The following SLC24A2 variants were observed in gnomAD, a reference collection of about 807,000 sequenced individuals.
The protein encoded by SLC24A2 is sodium/potassium/calcium exchanger 2.
In SLC24A2, 36 loss-of-function variants were observed where a neutral mutation model predicts 62.0. The ratio of observed to expected loss-of-function variants is 0.58; its 90% CI spans 0.44 to 0.77. SLC24A2 has a LOEUF of 0.77. SLC24A2 is among the 30% of genes least tolerant of loss of function. SLC24A2 has a pLI of 0.00. For missense variants in SLC24A2, 846 were observed against 817.9 expected (o/e 1.03, Z -0.42); for synonymous variants, 358 against 294.0 (o/e 1.22, Z -2.23).
the SLC24A2 span, among the ~76,000 whole-genome samples, chr9:20,263,867 C>A: frequency 1.8e-5 from 2 of 109,560 alleles, no homozygotes; most frequent in Non-Finnish European, 3.7e-5. Context: ...ACCCGCCCCC[C>A]CCCCCCCATT....
chr9:19,785,875 A>C, intron 2 of SLC24A2, 62 bp downstream of exon 2: 1 of 1,610,692 alleles, frequency 6.2e-7, no homozygotes, highest in Non-Finnish European at 8.5e-7. Flanking sequence ...CAGATCTCAA[A>C]AACATAATAA....
chr9:20,025,206 G>A, the SLC24A2 span, among the ~76,000 whole-genome samples: 1 of 152,072 alleles, frequency 6.6e-6, no homozygotes, highest in Non-Finnish European at 1.5e-5. Context: ...TCTCACTAAT[G>A]AATTGTGTCC....
the SLC24A2 span, among the ~76,000 whole-genome samples, chr9:19,816,009 AT>A: frequency 4.0e-5 from 2 of 50,168 alleles, no homozygotes; most frequent in Non-Finnish European, 8.1e-5. Context: ...TTATTTCCTG[AT>A]TGCTTTGATG....
the SLC24A2 span, among the ~76,000 whole-genome samples, chr9:20,218,124 C>T: frequency 6.6e-6 from 1 of 152,094 alleles, no homozygotes; most frequent in Non-Finnish European, 1.5e-5. Context: ...CTTGAGCTTC[C>T]AAAAGGTATA....
rs1406727236 is a variant in SLC24A2, at chr9:19,680,518, CA to C, written c.931-58220del. On this transcript the variant is annotated intron_variant, in intron 2 of 10. Transcript: ENST00000341998. ...AGCTGAAAATCCGAGTTTCTTTGTA[CA>C]ACTTTCGCTCATTAAAATGGCTGTT... Among the ~76,000 whole-genome samples, 10 of 124,474 alleles carry C rather than the reference CA, an allele frequency of 8.0e-5. No homozygotes were observed. In the East Asian group the frequency reaches 4.5e-3, roughly 56 times the overall value. The allele number at this position is 124,474 out of a possible 152,430, so 81.7% of individuals were successfully genotyped here.
intron 4 of SLC24A2, among the ~76,000 whole-genome samples, chr9:19,608,793 TACAC>T (rs111384476): frequency 3.4e-5 from 5 of 145,894 alleles, no homozygotes; most frequent in Non-Finnish European, 7.6e-5. Flanking sequence ...CACACACACA[TACAC>T]ACACACACAC....
chr9:19,633,487 T>C (rs1321392506), intron 2 of SLC24A2, among the ~76,000 whole-genome samples: 1 of 152,260 alleles, frequency 6.6e-6, no homozygotes, highest in Admixed American at 6.5e-5. Flanking sequence ...AATTTTATTC[T>C]TTCTAAAGGT....
the SLC24A2 span, among the ~76,000 whole-genome samples, chr9:20,295,036 G>GTGTATATATATATATATA: frequency 6.9e-6 from 1 of 145,622 alleles, no homozygotes; most frequent in African/African-American, 2.5e-5. Context: ...GTGTATATAT[G>GTGTATATATATATATATA]TATATATATA....
the SLC24A2 span, among the ~76,000 whole-genome samples, chr9:20,178,273 G>A: frequency 6.6e-6 from 1 of 152,114 alleles, no homozygotes; most frequent in Non-Finnish European, 1.5e-5. Flanking sequence ...GTCATGGTAA[G>A]GTCCTATAAC....
chr9:20,264,741 T>G, the SLC24A2 span, among the ~76,000 whole-genome samples: 1 of 152,238 alleles, frequency 6.6e-6, no homozygotes, highest in East Asian at 1.9e-4. Context: ...TTTCTCTTTT[T>G]CCTGACGCTA....
chr9:19,758,538 A>C (rs1822215041), intron 2 of SLC24A2, among the ~76,000 whole-genome samples: 1 of 152,008 alleles, frequency 6.6e-6, no homozygotes, highest in Non-Finnish European at 1.5e-5. Flanking sequence ...TTAAACAAAC[A>C]AAAAAAACCC....
At chr9:19,588,701 C>T (rs1339019853) in intron 5 of SLC24A2, among the ~76,000 whole-genome samples, 1 of 152,198 alleles carries the variant, frequency 6.6e-6, no homozygotes, top group African/African-American at 2.4e-5. Flanking sequence ...TGGCTCATGC[C>T]TGTAATCCTA....
chr9:20,088,629 TG>T, the SLC24A2 span, among the ~76,000 whole-genome samples: 3 of 152,174 alleles, frequency 2.0e-5, no homozygotes, highest in Non-Finnish European at 4.4e-5. Flanking sequence ...TTGTTGTCTT[TG>T]GGCTTTGGAG....
At chr9:19,834,423 C>T in the SLC24A2 span, among the ~76,000 whole-genome samples, 2 of 151,956 alleles carry the variant, frequency 1.3e-5, no homozygotes, top group Admixed American at 6.6e-5. Flanking sequence ...AACTACATGA[C>T]GAATGCACAA....
the SLC24A2 span, among the ~76,000 whole-genome samples, chr9:19,837,621 T>C: frequency 6.6e-6 from 1 of 151,688 alleles, no homozygotes; most frequent in Non-Finnish European, 1.5e-5. Context: ...AAAAAGGAAG[T>C]CAAATTGTCC....
chr9:19,853,541 A>T, the SLC24A2 span, among the ~76,000 whole-genome samples: 1 of 152,046 alleles, frequency 6.6e-6, no homozygotes, highest in South Asian at 2.1e-4. Context: ...TTATCGAAGG[A>T]CCTTTCTGCA....
At chr9:19,703,145 T>C (rs755140803) in intron 2 of SLC24A2, among the ~76,000 whole-genome samples, 10 of 152,168 alleles carry the variant, frequency 6.6e-5, no homozygotes, top group Non-Finnish European at 1.0e-4. Context: ...CAAATTTAGA[T>C]ACAAACTCTA....
At chr9:19,555,204 T>TG (rs2132768370) in intron 7 of SLC24A2, among the ~76,000 whole-genome samples, 1 of 152,332 alleles carries the variant, frequency 6.6e-6, no homozygotes, top group East Asian at 1.9e-4. Flanking sequence ...ATTGTTATTT[T>TG]GGGTTTTTAG....
chr9:19,731,397 G>T (rs191593562), intron 2 of SLC24A2, among the ~76,000 whole-genome samples: 80 of 152,242 alleles, frequency 5.3e-4, no homozygotes, highest in African/African-American at 1.8e-3. Context: ...TGTATTTGAA[G>T]ATAGTATAAA....
Sources: gnomAD v4.1 joint callset for allele counts (sites outside exome capture counted in the v4.1 genomes callset) on GRCh38, gnomAD v4.1.1 for gene constraint, MANE v1.5 for transcripts, NCBI Gene and HGNC (gene_info 2026-07-23, HGNC 2026-07-21) for gene names.